The following CNTN5 variants were observed in gnomAD, a reference collection of about 807,000 sequenced individuals.
CNTN5 encodes the protein contactin-5.
A neutral mutation model predicts 129.1 loss-of-function variants in CNTN5; 77 were observed. The observed-to-expected ratio is 0.60, with a 90% CI of 0.50 to 0.72. The LOEUF is 0.72. Among genes scored for constraint, CNTN5 ranks in the 30% least tolerant of loss-of-function variants. The probability of loss-of-function intolerance (pLI) is 0.00; values close to 1 mark genes in which losing one functional copy is unlikely to be tolerated. For synonymous variants in CNTN5, 509 were observed against 465.6 expected, an observed-to-expected ratio of 1.09 and a Z score of -1.20; for missense variants, 1,478 against 1,328.8, an observed-to-expected ratio of 1.11 and a Z score of -1.75.
At chr11:99,772,636 G>C (rs1211717831) in intron 3 of CNTN5, among the ~76,000 whole-genome samples, 2 of 152,016 alleles carry the variant, frequency 1.3e-5, no homozygotes, top group Non-Finnish European at 2.9e-5. Context: ...TTTTGAAGGT[G>C]AACTTGTTTT....
chr11:100,174,984 T>C (rs573813268), intron 13 of CNTN5, among the ~76,000 whole-genome samples: 5 of 152,234 alleles, frequency 3.3e-5, no homozygotes, highest in African/African-American at 1.2e-4. Context: ...TTCTTGAGTG[T>C]GTATTGCCCT....
chr11:99,890,595 G>T (rs189170595), intron 6 of CNTN5, among the ~76,000 whole-genome samples: 1 of 151,800 alleles, frequency 6.6e-6, no homozygotes, highest in East Asian at 1.9e-4. Flanking sequence ...ATATATGATT[G>T]AAAGAATTAC....
intron 6 of CNTN5, among the ~76,000 whole-genome samples, chr11:99,874,491 T>A (rs1948584404): frequency 6.6e-6 from 1 of 152,136 alleles, no homozygotes; most frequent in South Asian, 2.1e-4. Flanking sequence ...GGAGGGAATA[T>A]CTAGTTGTGT....
At chr11:100,279,910 C>CTT (rs58391412) in intron 18 of CNTN5, among the ~76,000 whole-genome samples, 33 of 114,716 alleles carry the variant, frequency 2.9e-4, no homozygotes, top group African/African-American at 9.9e-4. Context: ...TTTTCTTTTT[C>CTT]TTTTTTTTTT....
chr11:99,907,249 G>T (rs1949533473), intron 6 of CNTN5, among the ~76,000 whole-genome samples: 1 of 152,056 alleles, frequency 6.6e-6, no homozygotes, highest in African/African-American at 2.4e-5. Flanking sequence ...GCTTTCTCCT[G>T]TGGGCATTTA....
intron 1 of CNTN5, among the ~76,000 whole-genome samples, chr11:99,254,803 C>T (rs1862294126): frequency 6.6e-6 from 1 of 151,782 alleles, no homozygotes; most frequent in Admixed American, 6.6e-5. Context: ...ATAAATTTTT[C>T]TCATGTTACC....
At chr11:99,981,276 C>T (rs952774623) in intron 8 of CNTN5, among the ~76,000 whole-genome samples, 8 of 151,970 alleles carry the variant, frequency 5.3e-5, no homozygotes, top group African/African-American at 1.9e-4. Flanking sequence ...GATGGTGTAA[C>T]TCCTGGTCTG....
At chr11:99,892,508 G>T (rs1348302237) in intron 6 of CNTN5, among the ~76,000 whole-genome samples, 1 of 152,124 alleles carries the variant, frequency 6.6e-6, no homozygotes, top group African/African-American at 2.4e-5. Context: ...TTTGTATAAG[G>T]TGTAAGGAAG....
At chr11:100,248,553 A>AG (rs1949896234) in intron 16 of CNTN5, among the ~76,000 whole-genome samples, 1 of 152,194 alleles carries the variant, frequency 6.6e-6, no homozygotes, top group Non-Finnish European at 1.5e-5. Flanking sequence ...CTCTAAAAAA[A>AG]GAAAAAGAAA....
chr11:99,575,858 T>A (rs1949330742), intron 3 of CNTN5, among the ~76,000 whole-genome samples: 1 of 152,068 alleles, frequency 6.6e-6, no homozygotes, highest in East Asian at 1.9e-4. Context: ...GCATAAGACA[T>A]CAGTTAGAGA....
intron 9 of CNTN5, among the ~76,000 whole-genome samples, chr11:100,048,897 CTAAT>C (rs1942820857): frequency 6.6e-6 from 1 of 151,728 alleles, no homozygotes; most frequent in Non-Finnish European, 1.5e-5. Flanking sequence ...ACAACATAAA[CTAAT>C]TGATGAAAAA....
At chr11:100,053,425 G>A (rs1367446129) in intron 9 of CNTN5, among the ~76,000 whole-genome samples, 3 of 151,554 alleles carry the variant, frequency 2.0e-5, no homozygotes, top group African/African-American at 7.3e-5. Context: ...CATAAAAAAT[G>A]AACCAAAGAT....
chr11:100,289,207 T>G (rs879146726), intron 18 of CNTN5, among the ~76,000 whole-genome samples: 2 of 151,932 alleles, frequency 1.3e-5, no homozygotes, highest in South Asian at 2.1e-4. Flanking sequence ...CCATTCCTTC[T>G]GAAACTATTC....
At chr11:99,680,675 G>C (rs1041643301) in intron 3 of CNTN5, among the ~76,000 whole-genome samples, 2 of 151,682 alleles carry the variant, frequency 1.3e-5, no homozygotes, top group Non-Finnish European at 2.9e-5. Flanking sequence ...AATCTTGAAT[G>C]TTCTTAATGG....
At chr11:99,378,854 A>G (rs1940346795) in intron 2 of CNTN5, among the ~76,000 whole-genome samples, 1 of 152,130 alleles carries the variant, frequency 6.6e-6, no homozygotes, top group South Asian at 2.1e-4. Flanking sequence ...CACTGAACAT[A>G]TTATAATAGT....
chr11:99,981,115 C>CAT (rs1938322512), intron 8 of CNTN5, among the ~76,000 whole-genome samples: 1 of 63,876 alleles, frequency 1.6e-5, no homozygotes, highest in Non-Finnish European at 3.9e-5. Flanking sequence ...CACACACACA[C>CAT]ACATATATGA....
intron 15 of CNTN5, among the ~76,000 whole-genome samples, chr11:100,209,878 A>G (rs1948990853): frequency 6.6e-6 from 1 of 152,236 alleles, no homozygotes; most frequent in African/African-American, 2.4e-5. Flanking sequence ...TCACTAATGA[A>G]TAAGGGTATT....
intron 3 of CNTN5, among the ~76,000 whole-genome samples, chr11:99,700,171 G>T (rs572245636): frequency 1.3e-5 from 2 of 151,324 alleles, no homozygotes; most frequent in Non-Finnish European, 3.0e-5. Context: ...TCTTTAAAAC[G>T]TTATAACATC....
chr11:99,734,952 G>A (rs1204676053), intron 3 of CNTN5, among the ~76,000 whole-genome samples: 2 of 152,242 alleles, frequency 1.3e-5, no homozygotes, highest in East Asian at 3.9e-4. Flanking sequence ...AGCTTGCAGT[G>A]AGCCGAGATA....
Sources: allele counts gnomAD v4.1 joint callset (sites outside exome capture counted in the v4.1 genomes callset), GRCh38; gene constraint gnomAD v4.1.1; transcripts MANE v1.5; gene names NCBI Gene and HGNC (gene_info 2026-07-23, HGNC 2026-07-21).